MOXD1: variants seen among roughly 807,000 people sequenced by gnomAD.
The protein encoded by MOXD1 is monooxygenase DBH like 1.
A neutral mutation model predicts 66.6 loss-of-function variants in MOXD1; 62 were observed. The ratio of observed to expected loss-of-function variants is 0.93; its 90% CI spans 0.76 to 1.15. MOXD1 has a LOEUF of 1.15. Among genes scored for constraint, MOXD1 ranks in the 50% most tolerant of loss-of-function variants. The probability of loss-of-function intolerance (pLI) is 0.00; values close to 1 mark genes in which losing one functional copy is unlikely to be tolerated. For synonymous variants in MOXD1, 303 were observed against 281.9 expected, an observed-to-expected ratio of 1.07 and a Z score of -0.75; for missense variants, 847 against 754.6, an observed-to-expected ratio of 1.12 and a Z score of -1.44.
At chr6:132,393,803 G>C (rs895035414) in intron 1 of MOXD1, among the ~76,000 whole-genome samples, 3 of 152,192 alleles carry the variant, frequency 2.0e-5, no homozygotes, top group African/African-American at 7.2e-5. Flanking sequence ...AGACACCACT[G>C]TTGGGCTGAG....
chr6:132,358,598 G>T (rs1582592587), intron 4 of MOXD1, among the ~76,000 whole-genome samples: 1 of 152,058 alleles, frequency 6.6e-6, no homozygotes, highest in East Asian at 1.9e-4. Context: ...TGTTATATAT[G>T]GGTATATACT....
chr6:132,325,754 G>C (rs534712518), intron 6 of MOXD1, among the ~76,000 whole-genome samples: 2 of 152,198 alleles, frequency 1.3e-5, no homozygotes. Flanking sequence ...TACCTCATAA[G>C]TGTGATGTGT....
At position 132,340,808 on chromosome 6, in the gene MOXD1, G is replaced by A. The variant is rs112307190; in HGVS notation, c.664-12214C>T. ...ACTACAGGCGCCCGCCACCGCGCCC[G>A]GCTAATTTTTTGTATTTTTAGTAGA... On this transcript the variant is annotated intron_variant, in intron 4 of 11. Transcript: ENST00000367963. Among the ~76,000 whole-genome samples the A allele has an allele frequency of 7.9e-3, 1,199 of 151,842 alleles. 23 individuals carry two copies. The highest frequency in any genetic ancestry group is 0.028 in the African/African-American group (1,145 of 41,408).
intron 1 of MOXD1, chr6:132,392,049 T>C (rs758777220): frequency 2.2e-5 from 18 of 804,010 alleles, no homozygotes; most frequent in Non-Finnish European, 5.6e-6. Flanking sequence ...CCAGCTGAGC[T>C]GTGTCAGGGT....
chr6:132,328,306 T>C, intron 5 of MOXD1, 109 bp downstream of exon 5: 2 of 1,400,386 alleles, frequency 1.4e-6, no homozygotes, highest in Non-Finnish European at 1.9e-6. Context: ...GCCACCTTCA[T>C]ATCAAAAGTA....
At chr6:132,385,860 C>A (rs1430679096) in intron 1 of MOXD1, among the ~76,000 whole-genome samples, 1 of 150,776 alleles carries the variant, frequency 6.6e-6, no homozygotes, top group Non-Finnish European at 1.5e-5. Context: ...TCCCAGCCCT[C>A]TGGGAGGCTG....
intron 4 of MOXD1, among the ~76,000 whole-genome samples, chr6:132,367,985 T>C (rs1360016966): frequency 6.6e-6 from 1 of 151,986 alleles, no homozygotes; most frequent in Non-Finnish European, 1.5e-5. Context: ...CTGTTTTTCT[T>C]TTTTTCTCCC....
At chr6:132,383,942 C>T (rs527689655) in intron 1 of MOXD1, among the ~76,000 whole-genome samples, 2 of 152,058 alleles carry the variant, frequency 1.3e-5, no homozygotes, top group Admixed American at 6.5e-5. Context: ...TGGTGGCTGG[C>T]GCCTGTAATC....
At chr6:132,350,606 C>T (rs753966701) in intron 4 of MOXD1, among the ~76,000 whole-genome samples, 2 of 152,024 alleles carry the variant, frequency 1.3e-5, no homozygotes, top group Non-Finnish European at 2.9e-5. Flanking sequence ...TATGCAGGCT[C>T]TTTTTTGGTT....
intron 1 of MOXD1, among the ~76,000 whole-genome samples, chr6:132,394,440 A>G (rs1776830709): frequency 6.6e-6 from 1 of 152,230 alleles, no homozygotes; most frequent in South Asian, 2.1e-4. Flanking sequence ...GGCACACCAT[A>G]ATTATCCAGC....
chr6:132,328,846 CT>C (rs933200130), intron 4 of MOXD1, among the ~76,000 whole-genome samples: 1 of 151,102 alleles, frequency 6.6e-6, no homozygotes, highest in African/African-American at 2.4e-5. Flanking sequence ...TACTAATCGG[CT>C]TTTTTTTTGG....
At chr6:132,397,686 GAA>G (rs771605828) in intron 1 of MOXD1, among the ~76,000 whole-genome samples, 5 of 131,122 alleles carry the variant, frequency 3.8e-5, no homozygotes, top group Non-Finnish European at 8.4e-5. Context: ...AAGAAAGAAA[GAA>G]AGAAAGAAAG....
At chr6:132,302,372 A>G (rs55845566) in intron 10 of MOXD1, among the ~76,000 whole-genome samples, 7,250 of 152,270 alleles carry the variant, frequency 0.048, 548 homozygotes, top group African/African-American at 0.16. Context: ...TAAACACATC[A>G]ACAAGTATGT....
Position 132,401,134 on chromosome 6 carries a change from G to A in MOXD1, c.264+29C>T, listed in dbSNP as rs1374040724. On this transcript the variant is annotated intron_variant, in intron 1 of 11. Transcript: ENST00000367963. ...GGTCCGGACGGGACCGGGCTCGGCC[G>A]GGCGGGCTCCGGGAGGAGACGCGCT... 8.2e-6 allele frequency: 12 copies of A among 1,470,000 alleles called. No homozygotes were observed. The East Asian group carries it at 1.3e-4, about 16-fold the overall frequency. The allele number at this position is 1,470,000 out of a possible 1,614,324, so 91.1% of individuals were successfully genotyped here.
At chr6:132,297,469 G>T in intron 11 of MOXD1, 152 bp from the exon 12 acceptor site, 1 of 805,106 alleles carries the variant, frequency 1.2e-6, no homozygotes. Flanking sequence ...GAAACCTAGG[G>T]TTAAGGAGGA....
At chr6:132,319,571 T>C (rs991548446) in intron 9 of MOXD1, among the ~76,000 whole-genome samples, 20 of 152,018 alleles carry the variant, frequency 1.3e-4, no homozygotes, top group African/African-American at 4.8e-4. Context: ...TAGTATCAAT[T>C]TGGAGGAGGG....
intron 10 of MOXD1, among the ~76,000 whole-genome samples, chr6:132,302,045 C>T (rs4897574): frequency 0.46 from 70,257 of 151,880 alleles, 18,060 homozygotes; most frequent in East Asian, 0.69. Context: ...AGGTAGACTA[C>T]TGCAGAGGAA....
chr6:132,329,152 C>A (rs1775257717), intron 4 of MOXD1, among the ~76,000 whole-genome samples: 1 of 152,088 alleles, frequency 6.6e-6, no homozygotes, highest in African/African-American at 2.4e-5. Context: ...GTGTGATGTT[C>A]TCCACCCTGT....
intron 10 of MOXD1, among the ~76,000 whole-genome samples, chr6:132,304,074 C>A (rs1365775305): frequency 6.6e-6 from 1 of 151,382 alleles, no homozygotes; most frequent in Non-Finnish European, 1.5e-5. Context: ...TGTTCATGTC[C>A]CTCCAAAACT....
Sources: allele counts gnomAD v4.1 joint callset (sites outside exome capture counted in the v4.1 genomes callset), GRCh38; gene constraint gnomAD v4.1.1; transcripts MANE v1.5; gene names NCBI Gene and HGNC (gene_info 2026-07-23, HGNC 2026-07-21).